FBXW7: variants seen among roughly 807,000 people sequenced by gnomAD.
The protein encoded by FBXW7 is F-box and WD repeat domain containing 7.
Under a neutral mutation model 86.3 loss-of-function variants are expected in FBXW7, and 11 were observed. That is an observed-to-expected ratio of 0.13 (90% CI 0.08 to 0.21). The LOEUF (loss-of-function observed/expected upper bound fraction) is 0.21, where lower values mean the gene tolerates loss of function less well. Among genes scored for constraint, FBXW7 ranks in the 10% least tolerant of loss-of-function variants. The pLI, the probability that FBXW7 is intolerant of heterozygous loss-of-function variation, is 1.00. For synonymous variants in FBXW7, 313 were observed against 297.9 expected, an observed-to-expected ratio of 1.05 and a Z score of -0.52; for missense variants, 488 against 847.4, an observed-to-expected ratio of 0.58 and a Z score of 5.27.
chr4:152,340,472 G>A (rs1730616492), intron 6 of FBXW7, among the ~76,000 whole-genome samples: 2 of 151,462 alleles, frequency 1.3e-5, no homozygotes, highest in Admixed American at 1.3e-4. Context: ...CCGGCGACTT[G>A]GGAGGCTGAT....
intron 10 of FBXW7, chr4:152,328,593 C>T (rs1036219083): frequency 2.4e-6 from 1 of 408,240 alleles, no homozygotes; most frequent in Admixed American, 4.5e-5. Context: ...TAAGCACAAG[C>T]AATTGTGTAT....
rs1211276675 is a variant in FBXW7 at position 152,535,951 on chromosome 4, A to T, written c.-1037T>A. ...GAGAGCGAAGGTCTCGGCGGCGGCC[A>T]GTGCAGGGGGACTGGATCTCTCGGA... is the stretch of plus-strand genomic sequence containing the variant. On this transcript the variant is annotated 5_prime_UTR_variant, in exon 1 of 14. Coordinates refer to ENST00000281708, the MANE Select transcript of FBXW7 (RefSeq NM_001349798.2). The T allele has an allele frequency of 6.8e-6, 2 of 292,922 alleles. No homozygotes were observed. The highest frequency in any genetic ancestry group is 1.3e-5 in the Non-Finnish European group (2 of 157,604). The allele number at this position is 292,922 out of a possible 1,614,324, so 18.1% of individuals were successfully genotyped here.
chr4:152,399,614 G>C (rs1214804242), intron 4 of FBXW7, among the ~76,000 whole-genome samples: 1 of 152,080 alleles, frequency 6.6e-6, no homozygotes, highest in Non-Finnish European at 1.5e-5. Flanking sequence ...AAGGTTGCAA[G>C]ATATAAGATT....
At chr4:152,445,924 A>T (rs1299847387) in intron 2 of FBXW7, among the ~76,000 whole-genome samples, 10 of 58,374 alleles carry the variant, frequency 1.7e-4, no homozygotes, top group African/African-American at 1.1e-3. Flanking sequence ...AAAAAAAAAA[A>T]AAAAAAAAAA....
intron 2 of FBXW7, among the ~76,000 whole-genome samples, chr4:152,452,284 A>T (rs1334092637): frequency 1.3e-5 from 2 of 152,344 alleles, no homozygotes; most frequent in East Asian, 3.9e-4. Flanking sequence ...AATAATTTTT[A>T]AAAGTTTAAA....
intron 2 of FBXW7, among the ~76,000 whole-genome samples, chr4:152,463,425 C>T (rs79708303): frequency 0.014 from 2,081 of 152,232 alleles, 26 homozygotes; most frequent in Middle Eastern, 0.037. Flanking sequence ...CCACCATCTG[C>T]AGACAAAAAT....
At chr4:152,496,990 A>T (rs1346270850) in intron 2 of FBXW7, among the ~76,000 whole-genome samples, 1 of 152,148 alleles carries the variant, frequency 6.6e-6, no homozygotes, top group East Asian at 1.9e-4. Context: ...CTACAAATGA[A>T]CTCATGTAGT....
At chr4:152,349,480 T>A (rs556402990) in intron 5 of FBXW7, among the ~76,000 whole-genome samples, 23 of 151,942 alleles carry the variant, frequency 1.5e-4, no homozygotes, top group African/African-American at 5.1e-4. Context: ...AATCCAAAAA[T>A]AATGGGGACT....
intron 2 of FBXW7, among the ~76,000 whole-genome samples, chr4:152,527,919 C>T (rs1220458366): frequency 4.0e-5 from 6 of 151,606 alleles, no homozygotes; most frequent in Non-Finnish European, 7.4e-5. Flanking sequence ...TACACACACA[C>T]ATACATTCTT....
intron 2 of FBXW7, among the ~76,000 whole-genome samples, chr4:152,443,414 C>CA (rs58257670): frequency 0.016 from 2,434 of 152,008 alleles, 76 homozygotes; most frequent in African/African-American, 0.056. Context: ...ATTTTCCTTT[C>CA]AAAAAAATAC....
At chr4:152,414,169 A>G (rs1246626773) in intron 2 of FBXW7, among the ~76,000 whole-genome samples, 1 of 152,176 alleles carries the variant, frequency 6.6e-6, no homozygotes, top group Admixed American at 6.6e-5. Context: ...CAACAGCATT[A>G]TAACTAATGC....
At chr4:152,501,565 T>C (rs796272800) in intron 2 of FBXW7, among the ~76,000 whole-genome samples, 3 of 152,336 alleles carry the variant, frequency 2.0e-5, no homozygotes, top group African/African-American at 7.2e-5. Flanking sequence ...GGAGTTGAAG[T>C]ACTTAATTTT....
chr4:152,398,253 G>GCTATATGGC (rs1170036732), intron 4 of FBXW7, among the ~76,000 whole-genome samples: 3 of 151,608 alleles, frequency 2.0e-5, no homozygotes, highest in Non-Finnish European at 4.4e-5. Context: ...TCTATAAGGT[G>GCTATATGGC]CTATATGGCC....
chr4:152,452,807 A>ATTGCC (rs1368933009), intron 2 of FBXW7, among the ~76,000 whole-genome samples: 4 of 152,226 alleles, frequency 2.6e-5, no homozygotes, highest in African/African-American at 9.6e-5. Context: ...TCAAGAACGG[A>ATTGCC]TTGCCTTGCA....
intron 2 of FBXW7, among the ~76,000 whole-genome samples, chr4:152,532,007 G>GTA (rs1257380354): frequency 6.6e-6 from 1 of 151,860 alleles, no homozygotes; most frequent in Non-Finnish European, 1.5e-5. Context: ...TCTATTTTAG[G>GTA]TAGTGTCTCA....
At chr4:152,475,115 T>A (rs377275662) in intron 2 of FBXW7, among the ~76,000 whole-genome samples, 2 of 149,268 alleles carry the variant, frequency 1.3e-5, no homozygotes, top group East Asian at 3.9e-4. Flanking sequence ...AATAAATATA[T>A]GTATATTTAT....
intron 4 of FBXW7, among the ~76,000 whole-genome samples, chr4:152,373,095 GC>G (rs1361770774): frequency 1.3e-5 from 2 of 152,044 alleles, no homozygotes; most frequent in South Asian, 4.1e-4. Flanking sequence ...TTCAACAAAT[GC>G]CTACTCCAGA....
intron 2 of FBXW7, among the ~76,000 whole-genome samples, chr4:152,423,891 T>A (rs1739154568): frequency 6.6e-6 from 1 of 152,102 alleles, no homozygotes; most frequent in African/African-American, 2.4e-5. Flanking sequence ...TAGAATGTTC[T>A]ATTTTTTTAT....
chr4:152,437,835 C>T (rs1004278927), intron 2 of FBXW7, among the ~76,000 whole-genome samples: 6 of 152,140 alleles, frequency 3.9e-5, no homozygotes, highest in African/African-American at 1.2e-4. Flanking sequence ...GTAAAATGAT[C>T]GTGACTCCCT....
Sources: allele counts gnomAD v4.1 joint callset (sites outside exome capture counted in the v4.1 genomes callset), GRCh38; gene constraint gnomAD v4.1.1; transcripts MANE v1.5; gene names NCBI Gene and HGNC (gene_info 2026-07-23, HGNC 2026-07-21).